SAMD4A: variants seen among roughly 807,000 people sequenced by gnomAD.
SAMD4A encodes the protein protein Smaug homolog 1.
A neutral mutation model predicts 81.3 loss-of-function variants in SAMD4A; 33 were observed. The ratio of observed to expected loss-of-function variants is 0.41; its 90% CI spans 0.31 to 0.54. The LOEUF (loss-of-function observed/expected upper bound fraction) is 0.54, where lower values mean the gene tolerates loss of function less well. Ranked by LOEUF, SAMD4A falls within the 20% of genes least tolerant of loss-of-function variation. The probability of loss-of-function intolerance (pLI) is 0.37; values close to 1 mark genes in which losing one functional copy is unlikely to be tolerated. For synonymous variants in SAMD4A, 389 were observed against 382.1 expected (o/e 1.02, Z -0.21); for missense variants, 854 against 951.1 (o/e 0.90, Z 1.34).
chr14:54,577,427 T>G (rs1306688913), intron 2 of SAMD4A, among the ~76,000 whole-genome samples: 1 of 152,244 alleles, frequency 6.6e-6, no homozygotes, highest in Non-Finnish European at 1.5e-5. Context: ...CCTAGAAGGA[T>G]AGCTCATGGC....
At chr14:54,607,226 C>T (rs1191355054) in intron 2 of SAMD4A, among the ~76,000 whole-genome samples, 2 of 148,814 alleles carry the variant, frequency 1.3e-5, no homozygotes, top group Middle Eastern at 3.4e-3. Context: ...GAGATGGGAA[C>T]GTAGCCCTCT....
chr14:54,631,428 A>T (rs1159188169), intron 2 of SAMD4A, among the ~76,000 whole-genome samples: 1 of 152,230 alleles, frequency 6.6e-6, no homozygotes, highest in East Asian at 1.9e-4. Flanking sequence ...TCTGCTAATT[A>T]GTTTGAAGAT....
chr14:54,785,004 C>A (rs1050176601), intron 12 of SAMD4A, among the ~76,000 whole-genome samples: 2 of 152,228 alleles, frequency 1.3e-5, no homozygotes. Flanking sequence ...ATATCCCGCA[C>A]AACACTGGAT....
chr14:54,687,169 G>A (rs2036294596), intron 2 of SAMD4A: 1 of 355,416 alleles, frequency 2.8e-6, no homozygotes, highest in Middle Eastern at 5.6e-4. Context: ...AAGAAGTGAT[G>A]ACCTTTGTTT....
At chr14:54,629,013 T>A (rs1030052728) in intron 2 of SAMD4A, among the ~76,000 whole-genome samples, 1 of 152,206 alleles carries the variant, frequency 6.6e-6, no homozygotes, top group Non-Finnish European at 1.5e-5. Context: ...TGTGACCTTC[T>A]TTGGAAATAG....
intron 2 of SAMD4A, among the ~76,000 whole-genome samples, chr14:54,579,172 A>C (rs1474160451): frequency 2.0e-5 from 3 of 152,234 alleles, no homozygotes; most frequent in Non-Finnish European, 4.4e-5. Flanking sequence ...CCTGTTATTG[A>C]ATGGATGAAT....
intron 2 of SAMD4A, among the ~76,000 whole-genome samples, chr14:54,636,043 TCA>T (rs565764464): frequency 1.3e-5 from 2 of 152,164 alleles, no homozygotes; most frequent in Non-Finnish European, 2.9e-5. Context: ...GGTAAGTAAA[TCA>T]CAGAGTATGT....
chr14:54,756,032 C>T (rs1203990205), intron 6 of SAMD4A, among the ~76,000 whole-genome samples: 2 of 152,188 alleles, frequency 1.3e-5, no homozygotes, highest in African/African-American at 4.8e-5. Flanking sequence ...ACATCCAGAT[C>T]TTGTCCTCTT....
At chr14:54,747,724 G>A (rs555924371) in intron 4 of SAMD4A, among the ~76,000 whole-genome samples, 1 of 152,278 alleles carries the variant, frequency 6.6e-6, no homozygotes, top group South Asian at 2.1e-4. Context: ...GTACATTGTA[G>A]GAATGAGCTA....
At chr14:54,704,665 G>A (rs1273205772) in intron 3 of SAMD4A, among the ~76,000 whole-genome samples, 1 of 152,130 alleles carries the variant, frequency 6.6e-6, no homozygotes, top group Admixed American at 6.5e-5. Flanking sequence ...CAGATGACTA[G>A]CTGACATACC....
intron 2 of SAMD4A, among the ~76,000 whole-genome samples, chr14:54,677,109 C>CA: frequency 6.6e-6 from 1 of 152,034 alleles, no homozygotes; most frequent in Admixed American, 6.6e-5. Flanking sequence ...TGTAAGACAC[C>CA]CAAAGAAGAA....
At position 54,567,533 on chromosome 14, in the gene SAMD4A, C is replaced by G. The variant is rs1285910515; in HGVS notation, c.-384C>G. On this transcript the variant is annotated 5_prime_UTR_variant, in exon 2 of 13. Coordinates refer to ENST00000554335, the MANE Select transcript of SAMD4A (RefSeq NM_015589.6). ...CTCGGGAATGCGGGCGTGAAGGGTC[C>G]GAGTTGCCGCCCAGCGGGGAGGAGA... The G allele has an allele frequency of 8.2e-6, 2 of 243,060 alleles. No individual in the cohort carries two copies. Among genetic ancestry groups the G allele is most frequent in the Non-Finnish European group, 1.6e-5 (2 of 125,126 alleles). The allele number at this position is 243,060 out of a possible 1,614,324, so 15.1% of individuals were successfully genotyped here.
intron 2 of SAMD4A, among the ~76,000 whole-genome samples, chr14:54,638,413 T>TA (rs1356731325): frequency 3.3e-5 from 5 of 152,218 alleles, no homozygotes; most frequent in Non-Finnish European, 5.9e-5. Flanking sequence ...AGCAAAGGAA[T>TA]TCTAGAATAT....
At chr14:54,588,673 A>G (rs1257660361) in intron 2 of SAMD4A, among the ~76,000 whole-genome samples, 1 of 152,164 alleles carries the variant, frequency 6.6e-6, no homozygotes, top group Non-Finnish European at 1.5e-5. Context: ...CATTATTTTC[A>G]GATACATTTC....
At chr14:54,709,995 A>G (rs1289782411) in intron 3 of SAMD4A, among the ~76,000 whole-genome samples, 3 of 152,182 alleles carry the variant, frequency 2.0e-5, no homozygotes, top group Non-Finnish European at 4.4e-5. Flanking sequence ...CCTGGAAGAA[A>G]TCTCTGTGCT....
At chr14:54,788,789 A>T in intron 12 of SAMD4A, 127 bp from the exon 13 acceptor site, 2 of 1,117,462 alleles carry the variant, frequency 1.8e-6, no homozygotes, top group Non-Finnish European at 2.7e-6. Context: ...GCGTGAACAC[A>T]TGAACGTAGG....
At chr14:54,734,139 C>T (rs897280964) in intron 3 of SAMD4A, among the ~76,000 whole-genome samples, 3 of 152,354 alleles carry the variant, frequency 2.0e-5, no homozygotes, top group East Asian at 1.9e-4. Context: ...TTGGCACTGT[C>T]GCCAAGGCAC....
chr14:54,686,959 C>T (rs570700046), intron 2 of SAMD4A, among the ~76,000 whole-genome samples: 2 of 152,294 alleles, frequency 1.3e-5, no homozygotes, highest in African/African-American at 4.8e-5. Flanking sequence ...TAAGCCAGTT[C>T]TTCCAATCTT....
At chr14:54,568,779 TGATACGGATCTTGTA>T (rs2140099242) in intron 2 of SAMD4A, among the ~76,000 whole-genome samples, 1 of 137,438 alleles carries the variant, frequency 7.3e-6, no homozygotes, top group South Asian at 2.4e-4. Flanking sequence ...TTATCCATAT[TGATACGGATCTTGTA>T]GAAAAAAAGG....
Sources: gnomAD v4.1 joint callset for allele counts (sites outside exome capture counted in the v4.1 genomes callset) on GRCh38, gnomAD v4.1.1 for gene constraint, MANE v1.5 for transcripts, NCBI Gene and HGNC (gene_info 2026-07-23, HGNC 2026-07-21) for gene names.